The following ATP2B2 variants were observed in gnomAD, a reference collection of about 807,000 sequenced individuals.
ATP2B2 encodes ATPase plasma membrane Ca2+ transporting 2, also known as plasma membrane calcium-transporting ATPase 2.
In ATP2B2, 15 loss-of-function variants were observed where a neutral mutation model predicts 120.0. That is an observed-to-expected ratio of 0.12 (90% CI 0.08 to 0.19). The LOEUF is 0.19. Ranked by LOEUF, ATP2B2 falls within the 10% of genes least tolerant of loss-of-function variation. The probability of loss-of-function intolerance (pLI) is 1.00; values close to 1 mark genes in which losing one functional copy is unlikely to be tolerated. For missense variants in ATP2B2, 1,045 were observed against 1,719.8 expected (o/e 0.61, Z 6.94); for synonymous variants, 694 against 700.3 (o/e 0.99, Z 0.14).
chr3:10,538,843 C>G (rs2067373257), intron 2 of ATP2B2, among the ~76,000 whole-genome samples: 1 of 152,164 alleles, frequency 6.6e-6, no homozygotes, highest in South Asian at 2.1e-4. Flanking sequence ...TCTCACCACT[C>G]CTATTCAACA....
chr3:10,683,748 A>ATGTG (rs372159079), intron 1 of ATP2B2, among the ~76,000 whole-genome samples: 1,193 of 57,090 alleles, frequency 0.021, 107 homozygotes, highest in South Asian at 0.046. Flanking sequence ...GTGTATATAT[A>ATGTG]TGTGTGTGTG....
chr3:10,642,737 T>C (rs1397892978), intron 1 of ATP2B2, among the ~76,000 whole-genome samples: 1 of 151,168 alleles, frequency 6.6e-6, no homozygotes, highest in African/African-American at 2.4e-5. Context: ...ATAATCTGCT[T>C]TGGGTCCCTG....
chr3:10,355,845 G>A lies in ATP2B2; in HGVS notation c.2136+2846C>T, dbSNP rs2060704755. 7.1e-5 allele frequency among the ~76,000 whole-genome samples: 4 copies of A among 55,960 alleles called. 1 individual carries two copies. Among genetic ancestry groups the A allele is most frequent in the Non-Finnish European group, 6.8e-5 (2 of 29,244 alleles). 36.7% of individuals were successfully genotyped at this position (55,960 alleles called of 152,430 possible). A position where few individuals can be genotyped will look rare whatever the true frequency, so the allele number is the denominator to read the frequency against. Reference sequence around the variant, plus strand: ...TCCCAGCACTTTGGGAGGCCGAGGCGGGCGGATCACGAGGTCAGGAGATCG... The same window carrying A: ...TCCCAGCACTTTGGGAGGCCGAGGCAGGCGGATCACGAGGTCAGGAGATCG... On this transcript the variant is annotated intron_variant, in intron 14 of 22. Coordinates refer to ENST00000360273, the MANE Select transcript of ATP2B2 (RefSeq NM_001001331.4).
chr3:10,507,784 G>A (rs970173448), upstream of ATP2B2, among the ~76,000 whole-genome samples: 3 of 152,234 alleles, frequency 2.0e-5, no homozygotes, highest in African/African-American at 7.2e-5. Context: ...CTCTGGGGTG[G>A]CTGCCGTGAG....
intron 1 of ATP2B2, among the ~76,000 whole-genome samples, chr3:10,634,703 G>A (rs1575580031): frequency 6.6e-6 from 1 of 152,236 alleles, no homozygotes; most frequent in Admixed American, 6.5e-5. Flanking sequence ...AGGGTGACCT[G>A]TCTTCTCCAC....
chr3:10,703,842 T>C (rs775216197), intron 1 of ATP2B2, among the ~76,000 whole-genome samples: 10 of 152,212 alleles, frequency 6.6e-5, no homozygotes, highest in Non-Finnish European at 1.3e-4. Flanking sequence ...GCTCAGCCCA[T>C]CTTCCCAACC....
chr3:10,479,420 T>C (rs2065320356), intron 1 of ATP2B2, among the ~76,000 whole-genome samples: 1 of 151,836 alleles, frequency 6.6e-6, no homozygotes, highest in South Asian at 2.1e-4. Flanking sequence ...CTACTCTTCC[T>C]CCTGTTCTCA....
At chr3:10,511,531 T>C (rs1255173269) in intron 3 of ATP2B2, among the ~76,000 whole-genome samples, 1 of 152,228 alleles carries the variant, frequency 6.6e-6, no homozygotes, top group African/African-American at 2.4e-5. Context: ...TTTGGACGCA[T>C]TTAGGGGTCC....
At chr3:10,486,399 C>G (rs1396965814) in intron 1 of ATP2B2, among the ~76,000 whole-genome samples, 1 of 151,606 alleles carries the variant, frequency 6.6e-6, no homozygotes. Flanking sequence ...CAGGATCAGC[C>G]CCAAATTCCA....
chr3:10,568,492 C>T (rs569798370), intron 2 of ATP2B2, among the ~76,000 whole-genome samples: 1 of 152,320 alleles, frequency 6.6e-6, no homozygotes, highest in East Asian at 1.9e-4. Context: ...ATTCTCTAAG[C>T]TTGAAACAGA....
At chr3:10,607,925 C>T (rs2125603019) in intron 2 of ATP2B2, among the ~76,000 whole-genome samples, 1 of 152,246 alleles carries the variant, frequency 6.6e-6, no homozygotes, top group Middle Eastern at 3.4e-3. Context: ...CAGATTTGAC[C>T]TTATGACCTC....
intron 2 of ATP2B2, among the ~76,000 whole-genome samples, chr3:10,442,029 A>G (rs774629537): frequency 1.4e-4 from 22 of 152,120 alleles, no homozygotes; most frequent in Non-Finnish European, 3.2e-4. Flanking sequence ...TCATAGTAAG[A>G]ATCAGGGCCC....
chr3:10,328,758 A>G lies in ATP2B2; in HGVS notation c.*56T>C. 6.5e-7 allele frequency: 1 copy of G among 1,535,872 alleles called. No homozygotes were observed. The highest frequency in any genetic ancestry group is 8.8e-7 in the Non-Finnish European group (1 of 1,133,562). On this transcript the variant is annotated 3_prime_UTR_variant, in exon 23 of 23. Transcript: ENST00000360273. Reference sequence around the variant, plus strand: ...GGTGCCTGGATGGATGGGTGCCCGGAAAGCGGGTGGCAGCGGGGTCCATGA... The same window carrying G: ...GGTGCCTGGATGGATGGGTGCCCGGGAAGCGGGTGGCAGCGGGGTCCATGA...
chr3:10,636,751 G>A (rs2070033349), intron 1 of ATP2B2, among the ~76,000 whole-genome samples: 1 of 152,190 alleles, frequency 6.6e-6, no homozygotes, highest in African/African-American at 2.4e-5. Flanking sequence ...AAACTGGGGG[G>A]TACCCAGGTG....
At chr3:10,567,356 C>G (rs546377583) in intron 2 of ATP2B2, among the ~76,000 whole-genome samples, 39 of 152,314 alleles carry the variant, frequency 2.6e-4, no homozygotes, top group African/African-American at 9.1e-4. Context: ...CTGGGATCAC[C>G]AAATGGACAT....
chr3:10,700,436 C>T (rs913845987), intron 1 of ATP2B2, among the ~76,000 whole-genome samples: 1 of 152,174 alleles, frequency 6.6e-6, no homozygotes, highest in African/African-American at 2.4e-5. Flanking sequence ...ACAAGTGTCC[C>T]ATTTCAAAGA....
chr3:10,625,609 T>C lies in ATP2B2; in HGVS notation c.-459-5648A>G, dbSNP rs531895668. Among the ~76,000 whole-genome samples the C allele has an allele frequency of 1.6e-4, 25 of 151,648 alleles. 2 individuals carry two copies. The South Asian group carries it at 5.0e-3, about 30-fold the overall frequency. On this transcript the variant is annotated intron_variant, in intron 1 of 21. Coordinates refer to the ATP2B2 transcript ENST00000646379. ...TTGTGGAGGAGGGGGAGGTGTTGAGTTTTCAAGAGGGGCCGGGCCCAGAGT... is the reference window on the plus strand; with the variant it reads ...TTGTGGAGGAGGGGGAGGTGTTGAGCTTTCAAGAGGGGCCGGGCCCAGAGT...
intron 3 of ATP2B2, among the ~76,000 whole-genome samples, chr3:10,512,465 C>CGT (rs1553623910): frequency 9.0e-5 from 1 of 11,096 alleles, no homozygotes; most frequent in African/African-American, 1.8e-4. Context: ...AGTGTGTGCG[C>CGT]ACACACACAC....
chr3:10,602,074 C>T lies in ATP2B2; in HGVS notation c.-415+17843G>A, dbSNP rs930416513. Among the ~76,000 whole-genome samples the T allele has an allele frequency of 5.3e-5, 8 of 152,222 alleles. No homozygotes were observed. In the South Asian group the frequency reaches 6.2e-4, roughly 12 times the overall value. On this transcript the variant is annotated intron_variant, in intron 2 of 21. Transcript: ENST00000646379. ...TGCAGAGGAAGAGCTGAGGCTCCAG[C>T]GGCTCTCCTGGCAGCCAGAGGCAGT...
Sources: gnomAD v4.1 joint callset for allele counts (sites outside exome capture counted in the v4.1 genomes callset) on GRCh38, gnomAD v4.1.1 for gene constraint, MANE v1.5 for transcripts, NCBI Gene and HGNC (gene_info 2026-07-23, HGNC 2026-07-21) for gene names.